AGBL1: variants seen among roughly 807,000 people sequenced by gnomAD.
AGBL1 encodes AGBL carboxypeptidase 1, also known as cytosolic carboxypeptidase 4.
Under a neutral mutation model 118.9 loss-of-function variants are expected in AGBL1, and 130 were observed. The ratio of observed to expected loss-of-function variants is 1.09; its 90% CI spans 0.95 to 1.26. The LOEUF (loss-of-function observed/expected upper bound fraction) is 1.26, where lower values mean the gene tolerates loss of function less well. Ranked by LOEUF, AGBL1 falls within the 50% of genes most tolerant of loss-of-function variation. The probability of loss-of-function intolerance (pLI) is 0.00; values close to 1 mark genes in which losing one functional copy is unlikely to be tolerated. For synonymous variants in AGBL1, 555 were observed against 478.9 expected (o/e 1.16, Z -2.08); for missense variants, 1,584 against 1,298.1 (o/e 1.22, Z -3.38).
intron 17 of AGBL1, among the ~76,000 whole-genome samples, chr15:86,358,567 G>T (rs2080756866): frequency 6.6e-6 from 1 of 151,936 alleles, no homozygotes; most frequent in Non-Finnish European, 1.5e-5. Flanking sequence ...GCTGAATTAT[G>T]TGGTAGTTTT....
chr15:86,664,490 A>T (rs2085606219), intron 21 of AGBL1, among the ~76,000 whole-genome samples: 2 of 152,190 alleles, frequency 1.3e-5, no homozygotes, highest in African/African-American at 2.4e-5. Flanking sequence ...TCCAAAAGTC[A>T]CTGTCTTTCA....
Position 86,268,489 on chromosome 15 carries a change from C to T in AGBL1, c.1838+1413C>T, listed in dbSNP as rs115395770. 2.1e-3 allele frequency among the ~76,000 whole-genome samples: 321 copies of T among 152,270 alleles called. 1 individual carries two copies. The highest frequency in any genetic ancestry group is 7.4e-3 in the African/African-American group (307 of 41,540). ...TCAGGATGCGGCTAAGCTGCTGGCCCGGCTCAGGTCTTTTTCTCTATACAT... is the reference window on the plus strand; with the variant it reads ...TCAGGATGCGGCTAAGCTGCTGGCCTGGCTCAGGTCTTTTTCTCTATACAT... On this transcript the variant is annotated intron_variant, in intron 13 of 22. Transcript: ENST00000614907.
At chr15:86,227,655 C>G (rs1029381389) in intron 6 of AGBL1, among the ~76,000 whole-genome samples, 1 of 152,208 alleles carries the variant, frequency 6.6e-6, no homozygotes, top group Non-Finnish European at 1.5e-5. Context: ...TGAGCTGAAG[C>G]TCATTCAAAG....
chr15:86,460,875 C>T (rs2082326563), intron 18 of AGBL1, among the ~76,000 whole-genome samples: 1 of 152,180 alleles, frequency 6.6e-6, no homozygotes, highest in African/African-American at 2.4e-5. Context: ...CACTCTGCCT[C>T]TTGGGTCACA....
At position 87,005,725 on chromosome 15, in the gene AGBL1, C is replaced by T. The variant is rs138261437; in HGVS notation, c.3323+17637C>T. On this transcript the variant is annotated intron_variant, in intron 24 of 24. Transcript: ENST00000441037. ...ATTCTCTCTCTGTCCAGCTTTGTTT[C>T]GTTGCTGGTGAGGAGGTGCATTCCT... 1.2e-4 allele frequency among the ~76,000 whole-genome samples: 18 copies of T among 152,270 alleles called. 1 individual carries two copies. In the South Asian group the frequency reaches 2.7e-3, roughly 23 times the overall value.
intron 22 of AGBL1, among the ~76,000 whole-genome samples, chr15:86,756,795 C>A (rs1184184491): frequency 6.6e-6 from 1 of 151,948 alleles, no homozygotes; most frequent in African/African-American, 2.4e-5. Context: ...CAGAGCTTGT[C>A]TTATAAATAA....
chr15:86,644,792 G>A (rs183267030), intron 21 of AGBL1, among the ~76,000 whole-genome samples: 1 of 147,348 alleles, frequency 6.8e-6, no homozygotes, highest in African/African-American at 2.5e-5. Context: ...GATCATCTGA[G>A]GTCAGGAGTT....
At chr15:86,716,360 T>G (rs529269271) in intron 22 of AGBL1, among the ~76,000 whole-genome samples, 1 of 152,110 alleles carries the variant, frequency 6.6e-6, no homozygotes, top group Non-Finnish European at 1.5e-5. Flanking sequence ...TGGGGTCCCA[T>G]GGAGGGCTTT....
At chr15:86,832,840 C>G (rs958360613) in intron 22 of AGBL1, among the ~76,000 whole-genome samples, 5 of 152,184 alleles carry the variant, frequency 3.3e-5, no homozygotes, top group Non-Finnish European at 7.3e-5. Flanking sequence ...GCACCTCACT[C>G]TACTGGTACC....
intron 18 of AGBL1, among the ~76,000 whole-genome samples, chr15:86,460,646 T>A (rs997234719): frequency 1.3e-5 from 2 of 152,198 alleles, no homozygotes; most frequent in Admixed American, 1.3e-4. Flanking sequence ...AAGTTTAACA[T>A]ACACCACGGG....
chr15:86,804,600 T>A (rs1309127043), intron 22 of AGBL1, among the ~76,000 whole-genome samples: 2 of 152,168 alleles, frequency 1.3e-5, no homozygotes, highest in Non-Finnish European at 2.9e-5. Flanking sequence ...TTTAATGTGA[T>A]CCTAAACTAA....
chr15:86,774,891 C>G (rs145947915), intron 22 of AGBL1, among the ~76,000 whole-genome samples: 255 of 152,124 alleles, frequency 1.7e-3, no homozygotes, highest in Non-Finnish European at 2.8e-3. Flanking sequence ...CATTAAGAGT[C>G]TAAAATGCCA....
chr15:87,018,244 C>T (rs2141796639), intron 24 of AGBL1, among the ~76,000 whole-genome samples: 1 of 152,226 alleles, frequency 6.6e-6, no homozygotes, highest in East Asian at 1.9e-4. Flanking sequence ...GGCCAACATT[C>T]AAATTCTGGA....
intron 22 of AGBL1, among the ~76,000 whole-genome samples, chr15:86,833,443 G>A (rs1567197848): frequency 6.6e-6 from 1 of 152,012 alleles, no homozygotes; most frequent in South Asian, 2.1e-4. Flanking sequence ...AAGATCTGAC[G>A]GGTTTATCAG....
intron 22 of AGBL1, among the ~76,000 whole-genome samples, chr15:86,688,322 A>G (rs1308110749): frequency 1.2e-4 from 19 of 152,106 alleles, no homozygotes; most frequent in African/African-American, 2.4e-5. Context: ...GGAGACTAGA[A>G]GAAACTTGCC....
chr15:86,370,202 A>G (rs2080951082), intron 17 of AGBL1, among the ~76,000 whole-genome samples: 1 of 152,128 alleles, frequency 6.6e-6, no homozygotes, highest in East Asian at 1.9e-4. Flanking sequence ...TTTTCTGCCC[A>G]TTAAACCAGT....
chr15:86,264,962 A>G lies in AGBL1; in HGVS notation c.1667+124A>G. 3.0e-6 allele frequency: 3 copies of G among 989,526 alleles called. No individual in the cohort carries two copies. In the South Asian group the frequency reaches 6.6e-5, roughly 22 times the overall value. 61.3% of individuals were successfully genotyped at this position (989,526 alleles called of 1,614,324 possible). The stretch of plus-strand genomic sequence containing the variant: ...AGAGCATTAATCAGGAACATGTCAA[A>G]GCCTGTTGGCAAACTGGCCAAACAC... On this transcript the variant is annotated intron_variant, in intron 11 of 22. Coordinates refer to ENST00000614907, the MANE Select transcript of AGBL1 (RefSeq NM_001386094.1).
chr15:86,674,238 A>G, intron 21 of AGBL1, 35 bp from the exon 22 acceptor site: 1 of 1,578,142 alleles, frequency 6.3e-7, no homozygotes, highest in Non-Finnish European at 8.7e-7. Context: ...CTCCCATTAT[A>G]CGTTGCCACA....
chr15:86,519,925 A>G (rs888373456), intron 18 of AGBL1, among the ~76,000 whole-genome samples: 2 of 152,194 alleles, frequency 1.3e-5, no homozygotes, highest in African/African-American at 4.8e-5. Flanking sequence ...CCCAAATTTC[A>G]ATCAGCAATT....
Sources: gnomAD v4.1 joint callset for allele counts (sites outside exome capture counted in the v4.1 genomes callset) on GRCh38, gnomAD v4.1.1 for gene constraint, MANE v1.5 for transcripts, NCBI Gene and HGNC (gene_info 2026-07-23, HGNC 2026-07-21) for gene names.